PCSK5: variants seen among roughly 807,000 people sequenced by gnomAD.
PCSK5 encodes proprotein convertase subtilisin/kexin type 5, also known as prohormone convertase 5.
Under a neutral mutation model 233.2 loss-of-function variants are expected in PCSK5, and 129 were observed. The observed-to-expected ratio is 0.55, with a 90% confidence interval of 0.48 to 0.64. The LOEUF (loss-of-function observed/expected upper bound fraction) is 0.64. Ranked by LOEUF, PCSK5 falls within the 30% of genes least tolerant of loss-of-function variation. The pLI is 0.00. For missense variants in PCSK5, 2,076 were observed against 2,430.1 expected, an observed-to-expected ratio of 0.85 and a Z score of 3.06; for synonymous variants, 825 against 879.2, an observed-to-expected ratio of 0.94 and a Z score of 1.09.
At chr9:76,109,535 C>A (rs973460041) in intron 9 of PCSK5, among the ~76,000 whole-genome samples, 9 of 149,322 alleles carry the variant, frequency 6.0e-5, no homozygotes, top group African/African-American at 2.2e-4. Flanking sequence ...CTTTGGACTG[C>A]ATAACACATT....
intron 3 of PCSK5, among the ~76,000 whole-genome samples, chr9:76,021,111 T>C (rs117756018): frequency 0.011 from 1,742 of 152,320 alleles, 9 homozygotes; most frequent in Middle Eastern, 0.044. Flanking sequence ...GTCAGAGCAG[T>C]ACACATAGTG....
chr9:76,080,521 A>G (rs1361564762), intron 7 of PCSK5, among the ~76,000 whole-genome samples: 1 of 152,244 alleles, frequency 6.6e-6, no homozygotes, highest in African/African-American at 2.4e-5. Context: ...AATTTGATGC[A>G]TGTACTGAGA....
rs12683935 is a variant in PCSK5 at position 75,976,370 on chromosome 9, T to C, written c.298-9762T>C. ...CTCTCTCTTTACATAAACTAAGTTC[T>C]TTTTACCCTCTAGAAAGCATCTTGG... On this transcript the variant is annotated intron_variant, in intron 2 of 37. Transcript: ENST00000674117. 8.9e-3 allele frequency among the ~76,000 whole-genome samples: 1,349 copies of C among 151,962 alleles called. 63 individuals carry two copies. In the East Asian group the frequency reaches 0.14, roughly 16 times the overall value.
intron 10 of PCSK5, among the ~76,000 whole-genome samples, chr9:76,139,808 A>G (rs150474593): frequency 3.7e-4 from 56 of 152,232 alleles, no homozygotes; most frequent in African/African-American, 1.3e-3. Flanking sequence ...CAAACAAACA[A>G]AAAAACAATG....
intron 5 of PCSK5, among the ~76,000 whole-genome samples, chr9:76,042,861 A>C (rs1829182859): frequency 6.6e-6 from 1 of 152,190 alleles, no homozygotes; most frequent in South Asian, 2.1e-4. Flanking sequence ...CGTGCATCGC[A>C]ACAGCCTGTA....
intron 9 of PCSK5, among the ~76,000 whole-genome samples, chr9:76,127,026 C>G (rs1480981967): frequency 6.7e-6 from 1 of 148,364 alleles, no homozygotes; most frequent in East Asian, 2.0e-4. Flanking sequence ...ACAGTGAAAA[C>G]TGATCATTGA....
At chr9:76,341,002 C>G (rs573833531) in intron 35 of PCSK5, among the ~76,000 whole-genome samples, 29 of 151,702 alleles carry the variant, frequency 1.9e-4, no homozygotes, top group African/African-American at 7.0e-4. Flanking sequence ...ATCACTAGAG[C>G]CCAGGAGTTC....
intron 27 of PCSK5, among the ~76,000 whole-genome samples, chr9:76,299,697 C>T (rs1223478433): frequency 1.3e-5 from 2 of 152,168 alleles, no homozygotes; most frequent in East Asian, 1.9e-4. Flanking sequence ...AACGAACAAA[C>T]AAAAATATAT....
At chr9:76,301,470 G>A (rs1828598218) in intron 27 of PCSK5, among the ~76,000 whole-genome samples, 1 of 151,978 alleles carries the variant, frequency 6.6e-6, no homozygotes, top group Admixed American at 6.6e-5. Flanking sequence ...AAAAGAGAAG[G>A]GAACAATCTC....
intron 10 of PCSK5, among the ~76,000 whole-genome samples, chr9:76,138,647 G>T (rs1317081484): frequency 6.6e-6 from 1 of 151,952 alleles, no homozygotes; most frequent in East Asian, 1.9e-4. Context: ...ATAATTGAAT[G>T]CATGCAACAT....
chr9:76,279,544 T>C (rs1301801120), intron 24 of PCSK5, among the ~76,000 whole-genome samples: 6 of 151,998 alleles, frequency 3.9e-5, no homozygotes, highest in Non-Finnish European at 7.4e-5. Context: ...GTAAAAATGT[T>C]CCTGTTTCTC....
intron 21 of PCSK5, among the ~76,000 whole-genome samples, chr9:76,228,396 G>T (rs1187419819): frequency 6.6e-6 from 1 of 152,148 alleles, no homozygotes; most frequent in Non-Finnish European, 1.5e-5. Flanking sequence ...TTCCATAAGA[G>T]CAGCTGTAGC....
intron 24 of PCSK5, among the ~76,000 whole-genome samples, chr9:76,263,585 A>T (rs1012550138): frequency 4.6e-5 from 7 of 151,486 alleles, no homozygotes; most frequent in Admixed American, 6.6e-5. Context: ...CAATAGGAAC[A>T]CATGGACACA....
At chr9:75,997,770 G>A (rs964861432) in intron 3 of PCSK5, among the ~76,000 whole-genome samples, 1 of 152,148 alleles carries the variant, frequency 6.6e-6, no homozygotes, top group Non-Finnish European at 1.5e-5. Flanking sequence ...AAAACCTGAT[G>A]AGAAACCTAA....
intron 27 of PCSK5, among the ~76,000 whole-genome samples, chr9:76,298,842 T>C (rs1828522614): frequency 6.6e-6 from 1 of 152,166 alleles, no homozygotes; most frequent in African/African-American, 2.4e-5. Flanking sequence ...GTTTTTCTGT[T>C]TCATTTTGGG....
At chr9:76,328,607 A>G (rs928854894) in intron 33 of PCSK5, among the ~76,000 whole-genome samples, 1 of 152,140 alleles carries the variant, frequency 6.6e-6, no homozygotes, top group African/African-American at 2.4e-5. Context: ...GGCATACATC[A>G]TGGCCCCTTT....
intron 24 of PCSK5, among the ~76,000 whole-genome samples, chr9:76,260,404 A>G (rs1192696071): frequency 6.6e-6 from 1 of 152,144 alleles, no homozygotes; most frequent in African/African-American, 2.4e-5. Context: ...AGCTAAGTGG[A>G]CTCAATCTGA....
intron 20 of PCSK5, among the ~76,000 whole-genome samples, chr9:76,205,643 T>C (rs1380992037): frequency 6.6e-6 from 1 of 152,228 alleles, no homozygotes; most frequent in Admixed American, 6.5e-5. Context: ...AGGCAGGTGC[T>C]TTAAACCTGT....
chr9:76,343,454 C>A (rs959458590), intron 35 of PCSK5, among the ~76,000 whole-genome samples: 2 of 151,850 alleles, frequency 1.3e-5, no homozygotes, highest in African/African-American at 2.4e-5. Context: ...CTGCCTGCCT[C>A]AGCCTCCCAA....
Sources: allele counts gnomAD v4.1 joint callset (sites outside exome capture counted in the v4.1 genomes callset), GRCh38; gene constraint gnomAD v4.1.1; transcripts MANE v1.5; gene names NCBI Gene and HGNC (gene_info 2026-07-23, HGNC 2026-07-21).